The following GRID2 variants were observed in gnomAD, a reference collection of about 807,000 sequenced individuals.
GRID2 encodes glutamate ionotropic receptor delta type subunit 2.
In GRID2, 33 loss-of-function variants were observed where a neutral mutation model predicts 114.8. The observed-to-expected ratio is 0.29, with a 90% confidence interval of 0.22 to 0.38. The LOEUF is 0.38. Ranked by LOEUF, GRID2 falls within the 10% of genes least tolerant of loss-of-function variation. GRID2 has a pLI of 1.00. For missense variants in GRID2, 1,184 were observed against 1,257.7 expected (o/e 0.94, Z 0.89); for synonymous variants, 505 against 449.9 (o/e 1.12, Z -1.55).
chr4:93,604,839 G>A (rs1345574009), intron 13 of GRID2, among the ~76,000 whole-genome samples: 7 of 152,122 alleles, frequency 4.6e-5, no homozygotes, highest in Non-Finnish European at 7.4e-5. Context: ...TTTTTAATTC[G>A]GGTATGTACA....
intron 1 of GRID2, among the ~76,000 whole-genome samples, chr4:92,470,124 G>A (rs780640274): frequency 1.3e-5 from 2 of 151,760 alleles, no homozygotes; most frequent in Non-Finnish European, 2.9e-5. Flanking sequence ...AACACAGGAT[G>A]GACTAGAAGA....
chr4:93,689,305 A>T (rs1399251831), intron 14 of GRID2, among the ~76,000 whole-genome samples: 2 of 152,066 alleles, frequency 1.3e-5, no homozygotes, highest in African/African-American at 4.8e-5. Flanking sequence ...ACTATTGTAG[A>T]AACAAAGCAT....
intron 10 of GRID2, among the ~76,000 whole-genome samples, chr4:93,429,731 G>T (rs114634067): frequency 0.012 from 1,790 of 152,164 alleles, 38 homozygotes; most frequent in African/African-American, 0.041. Context: ...TGTAAAATTA[G>T]GATAAAGTAC....
chr4:92,602,265 G>C (rs1729253015), intron 2 of GRID2, among the ~76,000 whole-genome samples: 2 of 151,274 alleles, frequency 1.3e-5, no homozygotes, highest in African/African-American at 4.8e-5. Flanking sequence ...AAAAGCTTCA[G>C]GCCAGTATCC....
At chr4:92,678,993 TC>T (rs1216570483) in intron 2 of GRID2, among the ~76,000 whole-genome samples, 1 of 150,528 alleles carries the variant, frequency 6.6e-6, no homozygotes, top group African/African-American at 2.4e-5. Flanking sequence ...TTTTTAATCC[TC>T]CCAGTATCTT....
chr4:92,343,720 C>G (rs1727628572), intron 1 of GRID2, among the ~76,000 whole-genome samples: 1 of 151,950 alleles, frequency 6.6e-6, no homozygotes, highest in South Asian at 2.1e-4. Context: ...ATTATAGGCA[C>G]CCGCCACCAT....
intron 10 of GRID2, among the ~76,000 whole-genome samples, chr4:93,452,085 C>T (rs1417190743): frequency 1.3e-5 from 2 of 152,044 alleles, no homozygotes; most frequent in East Asian, 3.9e-4. Flanking sequence ...ATGGAATTGC[C>T]TAGGCAGAAG....
chr4:93,495,675 A>G (rs189448671), intron 12 of GRID2, among the ~76,000 whole-genome samples: 61 of 151,918 alleles, frequency 4.0e-4, no homozygotes, highest in African/African-American at 1.3e-3. Flanking sequence ...TGTCTAATGC[A>G]TGTATATTTA....
chr4:92,753,243 T>A (rs1193444360), intron 2 of GRID2, among the ~76,000 whole-genome samples: 1 of 152,184 alleles, frequency 6.6e-6, no homozygotes, highest in Non-Finnish European at 1.5e-5. Flanking sequence ...TTTATTAGAT[T>A]ATGTTATCAG....
chr4:92,330,009 G>GAGAGAC (rs1726797907), intron 1 of GRID2, among the ~76,000 whole-genome samples: 4 of 151,190 alleles, frequency 2.6e-5, no homozygotes, highest in Admixed American at 1.3e-4. Flanking sequence ...GAGAGAGAGA[G>GAGAGAC]AGAGAGAGAG....
At chr4:93,518,986 A>T (rs546398048) in intron 13 of GRID2, among the ~76,000 whole-genome samples, 2 of 152,166 alleles carry the variant, frequency 1.3e-5, no homozygotes, top group Non-Finnish European at 2.9e-5. Context: ...AGCAATGCAA[A>T]GTATGGTCCT....
chr4:92,503,457 G>A (rs533933158), intron 1 of GRID2, among the ~76,000 whole-genome samples: 67 of 152,090 alleles, frequency 4.4e-4, no homozygotes, highest in Non-Finnish European at 7.9e-4. Context: ...AAATCCCTTG[G>A]TGTCATTTCC....
intron 8 of GRID2, among the ~76,000 whole-genome samples, chr4:93,394,987 G>T (rs1190683949): frequency 6.6e-6 from 1 of 151,990 alleles, no homozygotes; most frequent in African/African-American, 2.4e-5. Context: ...TACTATTTGG[G>T]TGAGTAAAGA....
At chr4:93,125,879 C>T (rs1734219534) in intron 4 of GRID2, among the ~76,000 whole-genome samples, 1 of 152,156 alleles carries the variant, frequency 6.6e-6, no homozygotes, top group Admixed American at 6.5e-5. Context: ...ACCTATAAAG[C>T]TCTCTTCACT....
At chr4:92,774,710 C>T (rs1319103673) in intron 2 of GRID2, among the ~76,000 whole-genome samples, 2 of 151,404 alleles carry the variant, frequency 1.3e-5, no homozygotes, top group African/African-American at 4.9e-5. Context: ...ATCCTCCTGC[C>T]TCAGCCTCCT....
intron 2 of GRID2, among the ~76,000 whole-genome samples, chr4:92,973,184 C>T (rs996585369): frequency 2.0e-5 from 3 of 151,984 alleles, no homozygotes; most frequent in Non-Finnish European, 2.9e-5. Flanking sequence ...TTAATTCAGC[C>T]ATTGTGGAAG....
Position 93,772,707 on chromosome 4 carries a change from A to C in GRID2, c.*209A>C. 2.0e-6 allele frequency: 1 copy of C among 509,284 alleles called. No individual in the cohort carries two copies. The highest frequency in any genetic ancestry group is 3.4e-6 in the Non-Finnish European group (1 of 291,856). 31.5% of individuals were successfully genotyped at this position (509,284 alleles called of 1,614,324 possible). A position where few individuals can be genotyped will look rare whatever the true frequency, so the allele number is the denominator to read the frequency against. On this transcript the variant is annotated 3_prime_UTR_variant, in exon 16 of 16. Transcript: ENST00000282020. The stretch of plus-strand genomic sequence containing the variant: ...CCTCCCTTCCTGTACATTTTCCTCC[A>C]CTTTTTTTCATTACTCAACTTGTTC...
chr4:92,570,810 C>T (rs1028452974), intron 1 of GRID2, among the ~76,000 whole-genome samples: 11 of 152,002 alleles, frequency 7.2e-5, no homozygotes, highest in Admixed American at 5.9e-4. Flanking sequence ...TATCTTGAGA[C>T]TTTGCTAAAA....
intron 2 of GRID2, among the ~76,000 whole-genome samples, chr4:92,784,635 A>C (rs987305126): frequency 6.6e-6 from 1 of 151,978 alleles, no homozygotes; most frequent in African/African-American, 2.4e-5. Context: ...GAAATGTTTG[A>C]AATATAAGAA....
Sources: gnomAD v4.1 joint callset for allele counts (sites outside exome capture counted in the v4.1 genomes callset) on GRCh38, gnomAD v4.1.1 for gene constraint, MANE v1.5 for transcripts, NCBI Gene and HGNC (gene_info 2026-07-23, HGNC 2026-07-21) for gene names.